ATG13: variants seen among roughly 807,000 people sequenced by gnomAD.
The protein encoded by ATG13 is autophagy related 13.
A neutral mutation model predicts 65.5 loss-of-function variants in ATG13; 23 were observed. That is an observed-to-expected ratio of 0.35 (90% confidence interval 0.25 to 0.50). The LOEUF is 0.50. Among genes scored for constraint, ATG13 ranks in the 20% least tolerant of loss-of-function variants. The pLI is 0.98. For synonymous variants in ATG13, 252 were observed against 245.2 expected, an observed-to-expected ratio of 1.03 and a Z score of -0.26; for missense variants, 566 against 677.0, an observed-to-expected ratio of 0.84 and a Z score of 1.82.
intron 5 of ATG13, among the ~76,000 whole-genome samples, chr11:46,647,889 G>C (rs986972073): frequency 1.1e-4 from 16 of 151,646 alleles, no homozygotes; most frequent in African/African-American, 3.9e-4. Context: ...GGGATTATAG[G>C]AGTGAGCCAC....
intron 1 of ATG13, among the ~76,000 whole-genome samples, chr11:46,619,920 T>C (rs1467925705): frequency 2.0e-5 from 3 of 148,340 alleles, no homozygotes; most frequent in African/African-American, 7.5e-5. Flanking sequence ...TCCCACCTAC[T>C]CGGGTGGCTG....
intron 2 of ATG13, among the ~76,000 whole-genome samples, chr11:46,637,974 A>AATG (rs796198196): frequency 3.3e-5 from 5 of 152,290 alleles, no homozygotes; most frequent in African/African-American, 1.2e-4. Flanking sequence ...CTTTTGGGCC[A>AATG]ATGGTTTTTT....
At chr11:46,651,463 G>C (rs1405010082) in intron 7 of ATG13, among the ~76,000 whole-genome samples, 1 of 152,228 alleles carries the variant, frequency 6.6e-6, no homozygotes, top group Non-Finnish European at 1.5e-5. Context: ...CAGATTGTCA[G>C]ATGAACCAGA....
intron 14 of ATG13, 131 bp from the exon 15 acceptor site, chr11:46,667,642 C>A: frequency 1.8e-6 from 1 of 555,548 alleles, no homozygotes; most frequent in Non-Finnish European, 3.2e-6. Flanking sequence ...ATAATGCCAT[C>A]TCCCATTGAT....
At position 46,664,076 on chromosome 11, in the gene ATG13, G is replaced by C. The variant is rs770916417; in HGVS notation, c.869G>C (p.Gly290Ala). The change falls in exon 12 of 19, where the codon GGA (glycine) becomes GCA (alanine). Residue 290 changes from glycine to alanine, a missense_variant. Coordinates refer to ENST00000683050, the MANE Select transcript of ATG13 (RefSeq NM_001346311.2). ...GACACCCTGAGGGTCCCCATGGCAG[G>C]ACTGGCCTTTTCCCATCAAGTGAGT... Reference protein sequence around the residue: ...VTDTLRVPMAGLAFSHQLSSS... With the variant: ...VTDTLRVPMAALAFSHQLSSS... 3.1e-6 allele frequency: 5 copies of C among 1,596,210 alleles called. No homozygotes were observed. The highest frequency in any genetic ancestry group is 3.3e-4 in the Middle Eastern group (2 of 6,052).
chr11:46,650,932 A>G (rs557099178), intron 7 of ATG13, among the ~76,000 whole-genome samples: 2 of 152,330 alleles, frequency 1.3e-5, no homozygotes, highest in South Asian at 2.1e-4. Context: ...AAAACAGTCT[A>G]TACTGGGAAG....
chr11:46,626,599 T>G (rs1005233442), intron 1 of ATG13, among the ~76,000 whole-genome samples: 1 of 152,140 alleles, frequency 6.6e-6, no homozygotes, highest in Non-Finnish European at 1.5e-5. Flanking sequence ...TTTGATGACT[T>G]TGTTAAGATT....
intron 2 of ATG13, among the ~76,000 whole-genome samples, chr11:46,634,917 T>A (rs956310607): frequency 2.6e-5 from 4 of 151,632 alleles, no homozygotes; most frequent in African/African-American, 9.7e-5. Context: ...TGGCCAGGCT[T>A]TTCTTGAACT....
At chr11:46,640,259 T>C (rs1483824099) in intron 2 of ATG13, among the ~76,000 whole-genome samples, 1 of 152,218 alleles carries the variant, frequency 6.6e-6, no homozygotes, top group Non-Finnish European at 1.5e-5. Flanking sequence ...GCGTGATTAA[T>C]GGTTAATTAT....
In ATG13 at chr11:46,617,739, C is replaced by G. The variant is rs2045746510; in HGVS notation, c.-221C>G. The G allele has an allele frequency of 2.5e-6, 1 of 398,500 alleles. No individual in the cohort carries two copies. The highest frequency in any genetic ancestry group is 4.4e-6 in the Non-Finnish European group (1 of 225,946). 24.7% of individuals were successfully genotyped at this position (398,500 alleles called of 1,614,324 possible). A position where few individuals can be genotyped will look rare whatever the true frequency, so the allele number is the denominator to read the frequency against. On this transcript the variant is annotated 5_prime_UTR_variant, in exon 1 of 19. Transcript: ENST00000683050. ...ACGTCTGGGGCCTGCGAGCCAGGACCCTTCTGAAGCCTTAGGTGTCTATCG... is the reference window on the plus strand; with the variant it reads ...ACGTCTGGGGCCTGCGAGCCAGGACGCTTCTGAAGCCTTAGGTGTCTATCG...
At chr11:46,652,546 C>G (rs989258393) in intron 7 of ATG13, among the ~76,000 whole-genome samples, 1 of 152,024 alleles carries the variant, frequency 6.6e-6, no homozygotes, top group Non-Finnish European at 1.5e-5. Context: ...GATACCTTGT[C>G]TCTACTAAAA....
intron 11 of ATG13, among the ~76,000 whole-genome samples, chr11:46,663,412 A>G (rs753551262): frequency 6.6e-6 from 1 of 152,084 alleles, no homozygotes; most frequent in African/African-American, 2.4e-5. Context: ...CTATGCCATC[A>G]GGGACTGTAA....
At chr11:46,660,247 A>G (rs1057484926) in intron 11 of ATG13, among the ~76,000 whole-genome samples, 15 of 152,166 alleles carry the variant, frequency 9.9e-5, no homozygotes, top group African/African-American at 3.6e-4. Context: ...TTTGACTTTC[A>G]CATTAGATGG....
At chr11:46,648,970 T>C in intron 5 of ATG13, 167 bp from the exon 6 acceptor site, 3 of 507,962 alleles carry the variant, frequency 5.9e-6, no homozygotes, top group Non-Finnish European at 1.0e-5. Context: ...AAATAGCATA[T>C]AGACTGTGAT....
At chr11:46,653,061 C>T (rs1416543968) in intron 7 of ATG13, among the ~76,000 whole-genome samples, 3 of 152,054 alleles carry the variant, frequency 2.0e-5, no homozygotes, top group African/African-American at 2.4e-5. Context: ...AAATAGTTAC[C>T]ATTTGGTCCT....
At chr11:46,654,697 GGGCAACACACTGAGACCCT>G (rs2059662468) in intron 7 of ATG13, among the ~76,000 whole-genome samples, 2 of 151,944 alleles carry the variant, frequency 1.3e-5, no homozygotes, top group African/African-American at 4.8e-5. Flanking sequence ...ACTCCAGCAT[GGGCAACACACTGAGACCCT>G]GTCTCAAAAA....
chr11:46,670,192 T>C (rs1411954890), intron 18 of ATG13, among the ~76,000 whole-genome samples: 3 of 152,034 alleles, frequency 2.0e-5, no homozygotes, highest in African/African-American at 7.2e-5. Flanking sequence ...GTAATAACAA[T>C]ACAGTAATAG....
intron 2 of ATG13, among the ~76,000 whole-genome samples, chr11:46,643,756 A>T (rs1421587700): frequency 1.3e-5 from 2 of 152,044 alleles, no homozygotes; most frequent in Non-Finnish European, 1.5e-5. Flanking sequence ...GCGGCCAGCC[A>T]GGGAGGGCAT....
chr11:46,653,695 G>A (rs1202226794), intron 7 of ATG13, among the ~76,000 whole-genome samples: 5 of 150,320 alleles, frequency 3.3e-5, no homozygotes, highest in Non-Finnish European at 5.9e-5. Context: ...TCAGCCTCCC[G>A]AGTAGCTGGG....
Sources: gnomAD v4.1 joint callset for allele counts (sites outside exome capture counted in the v4.1 genomes callset) on GRCh38, gnomAD v4.1.1 for gene constraint, MANE v1.5 for transcripts, NCBI Gene and HGNC (gene_info 2026-07-23, HGNC 2026-07-21) for gene names.